The following FNDC3B variants were observed in gnomAD, a reference collection of about 807,000 sequenced individuals.
The protein encoded by FNDC3B is fibronectin type III domain containing 3B, also known as fibronectin type III domain-containing protein 3B.
FNDC3B carries 12 observed loss-of-function variants against 151.5 expected under a neutral mutation model. That is an observed-to-expected ratio of 0.08 (90% confidence interval 0.05 to 0.13). FNDC3B has a LOEUF of 0.13. FNDC3B is among the 10% of genes least tolerant of loss of function. The pLI is 1.00. For missense variants in FNDC3B, 1,214 were observed against 1,505.3 expected (o/e 0.81, Z 3.20); for synonymous variants, 528 against 549.0 (o/e 0.96, Z 0.54).
In FNDC3B at chr3:172,398,222, GT is replaced by G. The variant is rs776808646; in HGVS notation, c.*751del. On this transcript the variant is annotated 3_prime_UTR_variant, in exon 26 of 26. Transcript: ENST00000415807. ...AGAGGGCATTGTGCAATAGTTAGTT[GT>G]TTTCTTGTTCAGCTATTTTAAAGGC... 6.6e-5 allele frequency: 10 copies of G among 152,594 alleles called. No individual in the cohort carries two copies. Among genetic ancestry groups the G allele is most frequent in the Non-Finnish European group, 1.3e-4 (9 of 68,018 alleles). The allele number at this position is 152,594 out of a possible 1,614,324, so 9.5% of individuals were successfully genotyped here. A position where few individuals can be genotyped will look rare whatever the true frequency, so the allele number is the denominator to read the frequency against.
chr3:172,350,218 G>A (rs966935947), intron 21 of FNDC3B, among the ~76,000 whole-genome samples: 9 of 152,246 alleles, frequency 5.9e-5, no homozygotes, highest in African/African-American at 1.7e-4. Flanking sequence ...CATATTAACC[G>A]ATTTAATCTT....
chr3:172,335,979 AG>A (rs1354750379), intron 15 of FNDC3B, among the ~76,000 whole-genome samples: 1 of 152,206 alleles, frequency 6.6e-6, no homozygotes, highest in African/African-American at 2.4e-5. Context: ...TATAATTCAG[AG>A]AAATGATAAA....
At chr3:172,175,211 A>G (rs978238068) in intron 3 of FNDC3B, among the ~76,000 whole-genome samples, 2 of 152,102 alleles carry the variant, frequency 1.3e-5, no homozygotes, top group African/African-American at 4.8e-5. Context: ...GGGAAAAGCT[A>G]CAGAGAGCTA....
Position 172,330,819 on chromosome 3 carries a change from A to C in FNDC3B, c.1554+104A>C, listed in dbSNP as rs1369068021. On this transcript the variant is annotated intron_variant, in intron 13 of 25. Coordinates refer to ENST00000415807, the MANE Select transcript of FNDC3B (RefSeq NM_022763.4). ...GATTAACTGCATCAGTTCAAAGCCAAACTCTTAATTTCTGCCTCTGTCACC... is the reference window on the plus strand; with the variant it reads ...GATTAACTGCATCAGTTCAAAGCCACACTCTTAATTTCTGCCTCTGTCACC... 3 of 864,622 alleles carry C rather than the reference A, an allele frequency of 3.5e-6. No homozygotes were observed. In the African/African-American group the frequency reaches 5.1e-5, roughly 15 times the overall value. 53.6% of individuals were successfully genotyped at this position (864,622 alleles called of 1,614,324 possible).
chr3:172,130,362 T>G (rs1721011429), intron 2 of FNDC3B, among the ~76,000 whole-genome samples: 1 of 152,200 alleles, frequency 6.6e-6, no homozygotes, highest in Non-Finnish European at 1.5e-5. Context: ...TGAGGTAACT[T>G]GGTAGATTAT....
chr3:172,267,052 A>G (rs146391230), intron 6 of FNDC3B, among the ~76,000 whole-genome samples: 29 of 152,320 alleles, frequency 1.9e-4, no homozygotes, highest in Admixed American at 5.9e-4. Context: ...CAAAGGTACA[A>G]TAGCAGCAGC....
At chr3:172,268,805 A>T in intron 6 of FNDC3B, among the ~76,000 whole-genome samples, 1 of 152,192 alleles carries the variant, frequency 6.6e-6, no homozygotes, top group Non-Finnish European at 1.5e-5. Context: ...CATGCTCATG[A>T]TCCTTTGGTT....
chr3:172,215,646 C>T (rs183574546), intron 3 of FNDC3B, among the ~76,000 whole-genome samples: 38 of 152,302 alleles, frequency 2.5e-4, no homozygotes, highest in African/African-American at 8.4e-4. Flanking sequence ...ATTACTTAAA[C>T]CCAGGAGGCA....
At chr3:172,126,148 A>T (rs1049226571) in intron 2 of FNDC3B, among the ~76,000 whole-genome samples, 4 of 152,002 alleles carry the variant, frequency 2.6e-5, no homozygotes, top group Non-Finnish European at 5.9e-5. Context: ...TTTGTCCCAG[A>T]TGGAGTTTCA....
rs867174783 is a variant in FNDC3B, at chr3:172,361,392, G to T, written c.2796-1241G>T. The stretch of plus-strand genomic sequence containing the variant: ...ATCATAGGTTGTTAGAAGCAGCCAG[G>T]TCACCTCTTGAACACTTTACTCTTA... On this transcript the variant is annotated intron_variant, in intron 22 of 25. Coordinates refer to ENST00000415807, the MANE Select transcript of FNDC3B (RefSeq NM_022763.4). Among the ~76,000 whole-genome samples the T allele has an allele frequency of 8.5e-5, 13 of 152,208 alleles. No homozygotes were observed. In the South Asian group the frequency reaches 1.0e-3, roughly 12 times the overall value.
chr3:172,372,423 T>G (rs1170950020), intron 23 of FNDC3B, among the ~76,000 whole-genome samples: 1 of 152,194 alleles, frequency 6.6e-6, no homozygotes, highest in Non-Finnish European at 1.5e-5. Context: ...CTAAAATGAC[T>G]CAGTGACTTT....
chr3:172,344,941 T>G (rs1290677785), intron 19 of FNDC3B, among the ~76,000 whole-genome samples: 1 of 152,126 alleles, frequency 6.6e-6, no homozygotes, highest in African/African-American at 2.4e-5. Context: ...TGATGAAGCA[T>G]AAAAGGGCAG....
At position 172,334,936 on chromosome 3, in the gene FNDC3B, T is replaced by C. The variant is rs368430835; in HGVS notation, c.1642-8T>C. On this transcript the variant is annotated splice_polypyrimidine_tract_variant and splice_region_variant and intron_variant, in intron 14 of 25. Transcript: ENST00000415807. ...AATCATGTTAACGTTTCCTTGGTTGTGTTCTAGCTGACTGCTTCTAATACG... is the reference window on the plus strand; with the variant it reads ...AATCATGTTAACGTTTCCTTGGTTGCGTTCTAGCTGACTGCTTCTAATACG... 2.8e-5 allele frequency: 45 copies of C among 1,608,068 alleles called. No individual in the cohort carries two copies. Among genetic ancestry groups the C allele is most frequent in the Non-Finnish European group, 3.6e-5 (42 of 1,177,938 alleles).
intron 25 of FNDC3B, among the ~76,000 whole-genome samples, chr3:172,392,394 GT>G (rs1736054182): frequency 6.6e-6 from 1 of 152,220 alleles, no homozygotes; most frequent in Non-Finnish European, 1.5e-5. Flanking sequence ...GTTGTCTGGA[GT>G]TTAGTCACTA....
At chr3:172,208,247 C>T (rs1198036025) in intron 3 of FNDC3B, among the ~76,000 whole-genome samples, 2 of 152,130 alleles carry the variant, frequency 1.3e-5, no homozygotes, top group South Asian at 4.1e-4. Context: ...TGACATTTTC[C>T]CCCAACTCCT....
At chr3:172,396,876 G>C (rs1216958829) in intron 25 of FNDC3B, among the ~76,000 whole-genome samples, 1 of 152,204 alleles carries the variant, frequency 6.6e-6, no homozygotes, top group Non-Finnish European at 1.5e-5. Context: ...AATTTAGTGA[G>C]ATGCATCCTT....
chr3:172,388,473 T>C (rs562343962), intron 25 of FNDC3B, among the ~76,000 whole-genome samples: 2 of 152,154 alleles, frequency 1.3e-5, no homozygotes, highest in Non-Finnish European at 2.9e-5. Context: ...ATAAAAAAAA[T>C]CTCAAATGGA....
chr3:172,171,532 G>T (rs1015865506), intron 3 of FNDC3B, among the ~76,000 whole-genome samples: 1 of 151,884 alleles, frequency 6.6e-6, no homozygotes, highest in African/African-American at 2.4e-5. Context: ...TGGAGATGGG[G>T]TTGGGGGAGG....
chr3:172,175,287 G>C (rs79918334), intron 3 of FNDC3B, among the ~76,000 whole-genome samples: 2,662 of 152,212 alleles, frequency 0.017, 82 homozygotes, highest in African/African-American at 0.06. Context: ...CAAGTGGAGA[G>C]TAAGTAGAGA....
Sources: gnomAD v4.1 joint callset for allele counts (sites outside exome capture counted in the v4.1 genomes callset) on GRCh38, gnomAD v4.1.1 for gene constraint, MANE v1.5 for transcripts, NCBI Gene and HGNC (gene_info 2026-07-23, HGNC 2026-07-21) for gene names.